The following TSGA10 variants were observed in gnomAD, a reference collection of about 807,000 sequenced individuals.
TSGA10 encodes testis-specific gene 10 protein.
A neutral mutation model predicts 96.6 loss-of-function variants in TSGA10; 43 were observed. That is an observed-to-expected ratio of 0.44 (90% CI 0.35 to 0.57). The LOEUF is 0.57. TSGA10 is among the 20% of genes least tolerant of loss of function. The pLI is 0.01. For missense variants in TSGA10, 703 were observed against 834.4 expected, an observed-to-expected ratio of 0.84 and a Z score of 1.94; for synonymous variants, 229 against 269.9, an observed-to-expected ratio of 0.85 and a Z score of 1.48.
intron 1 of TSGA10, chr2:99,148,385 CAG>C (rs1310716939): frequency 6.6e-6 from 1 of 152,128 alleles, no homozygotes; most frequent in South Asian, 2.1e-4. Flanking sequence ...AGAATTTCAT[CAG>C]AGATATTAAA....
chr2:99,013,457 C>T (rs1043286920), intron 20 of TSGA10, among the ~76,000 whole-genome samples: 10 of 151,938 alleles, frequency 6.6e-5, no homozygotes, highest in African/African-American at 1.2e-4. Flanking sequence ...CTCAGCCTCC[C>T]GAGTGGCTGG....
intron 12 of TSGA10, among the ~76,000 whole-genome samples, chr2:99,073,374 T>C (rs979203503): frequency 1.3e-5 from 2 of 152,188 alleles, no homozygotes; most frequent in African/African-American, 2.4e-5. Flanking sequence ...AAGAACCCTA[T>C]AACCACCTGT....
rs1352475951 is a variant in TSGA10 at position 98,997,774 on chromosome 2, A to C, written c.*423T>G. The C allele has an allele frequency of 6.5e-6, 1 of 154,408 alleles. No homozygotes were observed. The highest frequency in any genetic ancestry group is 1.4e-5 in the Non-Finnish European group (1 of 69,620). 9.6% of individuals were successfully genotyped at this position (154,408 alleles called of 1,614,324 possible). ...AGACCAGTATCAGTAAGTTGTACCC[A>C]TTTTGGCACAGATTTTCCAGCCATG... On this transcript the variant is annotated 3_prime_UTR_variant, in exon 21 of 21. Coordinates refer to ENST00000393483, the MANE Select transcript of TSGA10 (RefSeq NM_025244.4).
intron 4 of TSGA10, among the ~76,000 whole-genome samples, chr2:99,112,626 G>C (rs987020191): frequency 6.6e-6 from 1 of 151,896 alleles, no homozygotes; most frequent in Admixed American, 6.6e-5. Flanking sequence ...AACATTGCAG[G>C]CAAAAGTTAC....
intron 17 of TSGA10, among the ~76,000 whole-genome samples, chr2:99,033,189 C>CA (rs2081298886): frequency 6.6e-6 from 1 of 152,092 alleles, no homozygotes; most frequent in Non-Finnish European, 1.5e-5. Flanking sequence ...GCTGGCTATC[C>CA]AAAAAATGTC....
chr2:99,035,168 C>T, intron 17 of TSGA10, 62 bp downstream of exon 17: 1 of 1,288,786 alleles, frequency 7.8e-7, no homozygotes, highest in Non-Finnish European at 1.1e-6. Context: ...ACTTACTTTT[C>T]CAAAATTATA....
chr2:99,061,538 A>G (rs2084687853), intron 16 of TSGA10, among the ~76,000 whole-genome samples: 1 of 152,146 alleles, frequency 6.6e-6, no homozygotes, highest in Non-Finnish European at 1.5e-5. Context: ...GACTATAGTC[A>G]CCCTGTTGTA....
intron 10 of TSGA10, among the ~76,000 whole-genome samples, chr2:99,083,269 C>T (rs1409503378): frequency 6.6e-6 from 1 of 152,112 alleles, no homozygotes; most frequent in Non-Finnish European, 1.5e-5. Context: ...GATTTCTATA[C>T]TTTATGCAAA....
chr2:99,129,595 C>T (rs747750252), intron 1 of TSGA10, among the ~76,000 whole-genome samples: 2 of 152,164 alleles, frequency 1.3e-5, no homozygotes, highest in Non-Finnish European at 2.9e-5. Context: ...AAAGACACAT[C>T]AGTGTATCTG....
intron 10 of TSGA10, among the ~76,000 whole-genome samples, chr2:99,101,565 G>A: frequency 6.6e-6 from 1 of 151,068 alleles, no homozygotes. Context: ...AATACCCAGA[G>A]GATAAAAAAG....
At chr2:99,005,450 G>T (rs892514692) in intron 20 of TSGA10, among the ~76,000 whole-genome samples, 6 of 152,120 alleles carry the variant, frequency 3.9e-5, no homozygotes, top group Non-Finnish European at 5.9e-5. Context: ...AAAGTCTCAG[G>T]ATACAAAATC....
At chr2:99,076,294 T>C (rs571532404) in intron 12 of TSGA10, among the ~76,000 whole-genome samples, 12 of 152,326 alleles carry the variant, frequency 7.9e-5, no homozygotes, top group African/African-American at 2.9e-4. Flanking sequence ...TATTCTAATA[T>C]AGCTCTCAAC....
intron 1 of TSGA10, chr2:99,148,312 T>C (rs961423086): frequency 1.3e-5 from 2 of 152,224 alleles, no homozygotes; most frequent in Non-Finnish European, 2.9e-5. Flanking sequence ...AGATATTCCT[T>C]TGATGAGGAA....
chr2:99,089,487 G>C (rs2089007466), intron 10 of TSGA10, among the ~76,000 whole-genome samples: 1 of 152,202 alleles, frequency 6.6e-6, no homozygotes, highest in Non-Finnish European at 1.5e-5. Flanking sequence ...TGCTTTCTCA[G>C]CTGGGAGGCT....
At chr2:99,073,338 T>C (rs2086207408) in intron 12 of TSGA10, among the ~76,000 whole-genome samples, 1 of 152,192 alleles carries the variant, frequency 6.6e-6, no homozygotes, top group East Asian at 1.9e-4. Context: ...TGTCAAAAGA[T>C]ATTTTATGCA....
chr2:99,081,249 AACT>A, intron 11 of TSGA10, 30 bp downstream of exon 11: 1 of 1,258,750 alleles, frequency 7.9e-7, no homozygotes, highest in Non-Finnish European at 1.1e-6. Flanking sequence ...ACTTAAGAAA[AACT>A]AAAAGTAATA....
chr2:99,114,764 T>C (rs36060600), intron 4 of TSGA10, among the ~76,000 whole-genome samples: 3 of 152,178 alleles, frequency 2.0e-5, no homozygotes, highest in African/African-American at 4.8e-5. Context: ...TTACTCTCTC[T>C]AGAACATAAA....
intron 20 of TSGA10, among the ~76,000 whole-genome samples, chr2:99,011,273 C>G (rs988351047): frequency 6.6e-6 from 1 of 152,176 alleles, no homozygotes; most frequent in African/African-American, 2.4e-5. Flanking sequence ...GCTGGGATTA[C>G]AGGCATGTGC....
At chr2:99,115,721 A>C in intron 4 of TSGA10, among the ~76,000 whole-genome samples, 1 of 152,062 alleles carries the variant, frequency 6.6e-6, no homozygotes, top group Non-Finnish European at 1.5e-5. Context: ...TTCTACTAAA[A>C]ATATGAAAAT....
Sources: gnomAD v4.1 joint callset for allele counts (sites outside exome capture counted in the v4.1 genomes callset) on GRCh38, gnomAD v4.1.1 for gene constraint, MANE v1.5 for transcripts, NCBI Gene and HGNC (gene_info 2026-07-23, HGNC 2026-07-21) for gene names.